The following AUTS2 variants were observed in gnomAD, a reference collection of about 807,000 sequenced individuals.
The protein encoded by AUTS2 is activator of transcription and developmental regulator AUTS2.
In AUTS2, 17 loss-of-function variants were observed where a neutral mutation model predicts 112.4. That is an observed-to-expected ratio of 0.15 (90% CI 0.10 to 0.23). The LOEUF (loss-of-function observed/expected upper bound fraction) is 0.23. AUTS2 is among the 10% of genes least tolerant of loss of function. The pLI, the probability that AUTS2 is intolerant of heterozygous loss-of-function variation, is 1.00. For missense variants in AUTS2, 1,510 were observed against 1,701.6 expected (o/e 0.89, Z 1.98); for synonymous variants, 751 against 702.7 (o/e 1.07, Z -1.09).
In AUTS2 at chr7:70,437,241, C is replaced by G. The variant is rs563361072; in HGVS notation, c.690+1460C>G. The G allele has an allele frequency of 7.2e-5, 11 of 152,340 alleles. No individual in the cohort carries two copies. In the South Asian group the frequency reaches 2.1e-3, roughly 29 times the overall value. The allele number at this position is 152,340 out of a possible 1,614,324, so 9.4% of individuals were successfully genotyped here. A position where few individuals can be genotyped will look rare whatever the true frequency, so the allele number is the denominator to read the frequency against. ...ACAAGTAGGAGCTGCCTTTCTCCAGCCCCCAGGAGCCTTAGCTCCTTGGAA... is the reference window on the plus strand; with the variant it reads ...ACAAGTAGGAGCTGCCTTTCTCCAGGCCCCAGGAGCCTTAGCTCCTTGGAA... On this transcript the variant is annotated intron_variant, in intron 5 of 18. Coordinates refer to ENST00000342771, the MANE Select transcript of AUTS2 (RefSeq NM_015570.4).
intron 4 of AUTS2, among the ~76,000 whole-genome samples, chr7:70,187,277 G>C (rs1192608848): frequency 6.6e-6 from 1 of 152,150 alleles, no homozygotes; most frequent in Non-Finnish European, 1.5e-5. Flanking sequence ...TGGTGTTTAG[G>C]ATAAGTTTAA....
At chr7:70,778,560 G>GATCTC (rs1272945945) in intron 14 of AUTS2, among the ~76,000 whole-genome samples, 1 of 143,596 alleles carries the variant, frequency 7.0e-6, no homozygotes, top group Non-Finnish European at 1.5e-5. Flanking sequence ...AACATAGCAA[G>GATCTC]ATCTCATCTC....
At chr7:70,674,010 T>C (rs1461978519) in intron 5 of AUTS2, among the ~76,000 whole-genome samples, 1 of 152,096 alleles carries the variant, frequency 6.6e-6, no homozygotes, top group African/African-American at 2.4e-5. Flanking sequence ...CAAGCCGGCT[T>C]TATGAGGTAG....
At chr7:69,925,780 A>G (rs1316985353) in intron 2 of AUTS2, among the ~76,000 whole-genome samples, 2 of 152,186 alleles carry the variant, frequency 1.3e-5, no homozygotes, top group Admixed American at 6.5e-5. Flanking sequence ...TTGGCCTCCC[A>G]AAGTGTTGGG....
At chr7:69,923,110 A>G (rs1795877937) in intron 2 of AUTS2, among the ~76,000 whole-genome samples, 1 of 152,214 alleles carries the variant, frequency 6.6e-6, no homozygotes, top group African/African-American at 2.4e-5. Context: ...TCCAAAAGGT[A>G]TACTTGACAT....
At chr7:69,973,583 T>C (rs1277413418) in intron 2 of AUTS2, among the ~76,000 whole-genome samples, 1 of 152,186 alleles carries the variant, frequency 6.6e-6, no homozygotes, top group Non-Finnish European at 1.5e-5. Flanking sequence ...CTCTATGTTC[T>C]TTATCAAATT....
intron 4 of AUTS2, among the ~76,000 whole-genome samples, chr7:70,381,855 C>T (rs1204361857): frequency 6.6e-6 from 1 of 152,076 alleles, no homozygotes. Flanking sequence ...ATTGCACTCC[C>T]GTTGATCCTT....
chr7:70,618,154 G>A lies in AUTS2; in HGVS notation c.691-80415G>A, dbSNP rs1463179012. 2.6e-5 allele frequency among the ~76,000 whole-genome samples: 4 copies of A among 152,146 alleles called. No homozygotes were observed. The South Asian group carries it at 6.2e-4, about 24-fold the overall frequency. Reference sequence around the variant, plus strand: ...TGCACACTTACCAATTAACAGTTACGTTCTTATTGGTTGAGAGAACAAGGC... The same window carrying A: ...TGCACACTTACCAATTAACAGTTACATTCTTATTGGTTGAGAGAACAAGGC... On this transcript the variant is annotated intron_variant, in intron 5 of 18. Transcript: ENST00000342771.
At chr7:70,183,211 T>A (rs540315105) in intron 4 of AUTS2, among the ~76,000 whole-genome samples, 67 of 152,112 alleles carry the variant, frequency 4.4e-4, no homozygotes, top group African/African-American at 1.4e-3. Context: ...GAAAAAAAAA[T>A]CCTCAAGTCA....
chr7:69,617,359 A>T (rs1256922305), intron 1 of AUTS2, among the ~76,000 whole-genome samples: 1 of 152,102 alleles, frequency 6.6e-6, no homozygotes, highest in Non-Finnish European at 1.5e-5. Flanking sequence ...TCCTCTGAGG[A>T]GGTGATATTT....
chr7:70,062,439 G>C (rs1283141731), intron 2 of AUTS2, among the ~76,000 whole-genome samples: 1 of 151,724 alleles, frequency 6.6e-6, no homozygotes, highest in African/African-American at 2.4e-5. Flanking sequence ...CTTGAACCCA[G>C]GAGGCAGAGG....
At chr7:69,728,601 G>C (rs529410400) in intron 1 of AUTS2, among the ~76,000 whole-genome samples, 5 of 151,962 alleles carry the variant, frequency 3.3e-5, no homozygotes, top group Non-Finnish European at 7.4e-5. Context: ...AAAGAAAAAC[G>C]GGACAAAAAG....
At chr7:70,166,400 A>G (rs886309965) in intron 4 of AUTS2, among the ~76,000 whole-genome samples, 1 of 152,202 alleles carries the variant, frequency 6.6e-6, no homozygotes, top group Non-Finnish European at 1.5e-5. Flanking sequence ...ATTCTATATT[A>G]TGGGGTTTAT....
At chr7:69,776,945 G>A (rs966332852) in intron 1 of AUTS2, among the ~76,000 whole-genome samples, 2 of 152,210 alleles carry the variant, frequency 1.3e-5, no homozygotes, top group African/African-American at 4.8e-5. Context: ...CAGTCTGGTT[G>A]CTTATTCAGT....
intron 5 of AUTS2, among the ~76,000 whole-genome samples, chr7:70,605,287 C>T (rs115672785): frequency 0.016 from 2,486 of 152,230 alleles, 57 homozygotes; most frequent in African/African-American, 0.056. Context: ...TGGTTTTTGA[C>T]GTTGGCTAAC....
intron 3 of AUTS2, among the ~76,000 whole-genome samples, chr7:70,120,821 A>T (rs758422348): frequency 2.0e-4 from 31 of 152,308 alleles, no homozygotes; most frequent in African/African-American, 7.5e-4. Context: ...AATTCCAACA[A>T]TCTTTTTTTG....
intron 4 of AUTS2, among the ~76,000 whole-genome samples, chr7:70,230,106 G>A (rs188431855): frequency 4.0e-5 from 6 of 150,800 alleles, no homozygotes; most frequent in African/African-American, 7.3e-5. Context: ...TTTTCCTTTT[G>A]GAATGGTAAA....
At chr7:70,159,574 A>T (rs1190566158) in intron 4 of AUTS2, among the ~76,000 whole-genome samples, 2 of 152,206 alleles carry the variant, frequency 1.3e-5, no homozygotes, top group Non-Finnish European at 2.9e-5. Context: ...TGATAATGTT[A>T]CAAATACTGA....
At chr7:70,221,291 A>G (rs1464810661) in intron 4 of AUTS2, among the ~76,000 whole-genome samples, 2 of 152,214 alleles carry the variant, frequency 1.3e-5, no homozygotes, top group Admixed American at 6.5e-5. Flanking sequence ...AGACATCAAG[A>G]TACATTTTCA....
Sources: allele counts gnomAD v4.1 joint callset (sites outside exome capture counted in the v4.1 genomes callset), GRCh38; gene constraint gnomAD v4.1.1; transcripts MANE v1.5; gene names NCBI Gene and HGNC (gene_info 2026-07-23, HGNC 2026-07-21).